POU2F1: variants seen among roughly 807,000 people sequenced by gnomAD.
The protein encoded by POU2F1 is POU class 2 homeobox 1.
In POU2F1, 16 loss-of-function variants were observed where a neutral mutation model predicts 84.9. The observed-to-expected ratio is 0.19, with a 90% CI of 0.13 to 0.29. The LOEUF (loss-of-function observed/expected upper bound fraction) is 0.29, where lower values mean the gene tolerates loss of function less well. Ranked by LOEUF, POU2F1 falls within the 10% of genes least tolerant of loss-of-function variation. The pLI is 1.00. For missense variants in POU2F1, 738 were observed against 942.6 expected (o/e 0.78, Z 2.84); for synonymous variants, 368 against 368.3 (o/e 1.00, Z 0.01).
chr1:167,306,008 A>G (rs1655039837), intron 1 of POU2F1, among the ~76,000 whole-genome samples: 2 of 152,162 alleles, frequency 1.3e-5, no homozygotes, highest in South Asian at 2.1e-4. Context: ...AAGAGAAGAA[A>G]AGCGTTGTGC....
At chr1:167,291,858 G>A (rs1472980923) in intron 1 of POU2F1, among the ~76,000 whole-genome samples, 3 of 152,140 alleles carry the variant, frequency 2.0e-5, no homozygotes, top group Non-Finnish European at 4.4e-5. Context: ...CAGAGGCAGG[G>A]AAATATTATT....
At chr1:167,369,618 A>C (rs981565212) in intron 3 of POU2F1, among the ~76,000 whole-genome samples, 1 of 152,148 alleles carries the variant, frequency 6.6e-6, no homozygotes, top group Non-Finnish European at 1.5e-5. Context: ...TGTGGTTTAT[A>C]GGGTAGATTT....
intron 1 of POU2F1, among the ~76,000 whole-genome samples, chr1:167,236,573 C>A (rs1204989389): frequency 6.6e-6 from 1 of 152,070 alleles, no homozygotes; most frequent in Admixed American, 6.5e-5. Flanking sequence ...TATTCTCTTT[C>A]GACGTGTGCC....
chr1:167,345,646 C>T (rs1347562477), intron 2 of POU2F1, among the ~76,000 whole-genome samples: 3 of 152,158 alleles, frequency 2.0e-5, no homozygotes, highest in African/African-American at 2.4e-5. Context: ...AAGGGAGCCT[C>T]TGACTAGGTT....
chr1:167,377,353 G>A (rs143135985), intron 7 of POU2F1, among the ~76,000 whole-genome samples: 1,881 of 152,236 alleles, frequency 0.012, 15 homozygotes, highest in South Asian at 0.026. Flanking sequence ...TTGTGAGGCC[G>A]AGGCAGGCAG....
intron 2 of POU2F1, among the ~76,000 whole-genome samples, chr1:167,346,282 C>CAGAA (rs1658192649): frequency 6.6e-6 from 1 of 152,128 alleles, no homozygotes; most frequent in African/African-American, 2.4e-5. Context: ...TCTTGTCATG[C>CAGAA]ATCACTGATA....
intron 1 of POU2F1, among the ~76,000 whole-genome samples, chr1:167,274,728 G>T (rs1652600739): frequency 6.6e-6 from 1 of 152,006 alleles, no homozygotes; most frequent in Non-Finnish European, 1.5e-5. Context: ...AAATAGTTTG[G>T]TTGTCATTTG....
intron 14 of POU2F1, 48 bp from the exon 15 acceptor site, chr1:167,412,978 G>T: frequency 6.9e-7 from 1 of 1,458,252 alleles, no homozygotes; most frequent in Non-Finnish European, 9.6e-7. Flanking sequence ...GTCAAAATGA[G>T]ACCTGCGTCT....
At chr1:167,364,573 C>T (rs1487827347) in intron 2 of POU2F1, among the ~76,000 whole-genome samples, 1 of 133,558 alleles carries the variant, frequency 7.5e-6, no homozygotes, top group African/African-American at 2.7e-5. Context: ...TTTTTTCTTT[C>T]TTTCTTTCTT....
intron 1 of POU2F1, among the ~76,000 whole-genome samples, chr1:167,231,895 C>CT (rs1210953579): frequency 2.0e-5 from 3 of 152,112 alleles, no homozygotes; most frequent in African/African-American, 7.2e-5. Flanking sequence ...TGAAAATGTT[C>CT]TGAGCAAAGG....
chr1:167,297,622 G>A (rs1188482174), intron 1 of POU2F1, among the ~76,000 whole-genome samples: 1 of 152,180 alleles, frequency 6.6e-6, no homozygotes, highest in Non-Finnish European at 1.5e-5. Context: ...CAAGCCATTA[G>A]CTAGGGGGAT....
At chr1:167,339,393 T>C (rs193039733) in intron 2 of POU2F1, among the ~76,000 whole-genome samples, 2 of 152,328 alleles carry the variant, frequency 1.3e-5, no homozygotes. Context: ...GATTTTCTCC[T>C]AAATTAAAGC....
intron 1 of POU2F1, among the ~76,000 whole-genome samples, chr1:167,281,994 C>G (rs1653175888): frequency 1.3e-5 from 2 of 152,098 alleles, no homozygotes; most frequent in Admixed American, 6.5e-5. Flanking sequence ...ATTGTTCATA[C>G]CTAGTTCTTT....
chr1:167,365,366 C>A, intron 2 of POU2F1, 101 bp from the exon 3 acceptor site: 1 of 793,762 alleles, frequency 1.3e-6, no homozygotes, highest in Non-Finnish European at 1.9e-6. Context: ...TAGAAAAGTA[C>A]TTATGCAAAA....
chr1:167,384,784 A>G (rs1647837930), intron 8 of POU2F1, among the ~76,000 whole-genome samples: 1 of 152,126 alleles, frequency 6.6e-6, no homozygotes, highest in African/African-American at 2.4e-5. Flanking sequence ...TCCCCCTAAG[A>G]TCAGAAACAA....
At chr1:167,392,928 C>G (rs947071597) in intron 9 of POU2F1, among the ~76,000 whole-genome samples, 1 of 151,978 alleles carries the variant, frequency 6.6e-6, no homozygotes, top group Non-Finnish European at 1.5e-5. Context: ...AAGTTATTTG[C>G]TGAAACAAAA....
chr1:167,224,820 GTCT>G (rs1164298054), intron 1 of POU2F1, among the ~76,000 whole-genome samples: 3 of 140,108 alleles, frequency 2.1e-5, no homozygotes, highest in Admixed American at 7.2e-5. Context: ...CATTGTCACT[GTCT>G]TCTTTTTTTT....
At chr1:167,364,629 G>C (rs1356757344) in intron 2 of POU2F1, among the ~76,000 whole-genome samples, 1 of 145,734 alleles carries the variant, frequency 6.9e-6, no homozygotes, top group Non-Finnish European at 1.5e-5. Context: ...CCAGGCTGGA[G>C]TGCAGTGGCG....
At chr1:167,292,028 CGTGT>C (rs146381984) in intron 1 of POU2F1, among the ~76,000 whole-genome samples, 184 of 150,002 alleles carry the variant, frequency 1.2e-3, no homozygotes, top group African/African-American at 4.1e-3. Flanking sequence ...AAAATCTGTG[CGTGT>C]GTGTGTGTGT....
Sources: allele counts gnomAD v4.1 joint callset (sites outside exome capture counted in the v4.1 genomes callset), GRCh38; gene constraint gnomAD v4.1.1; transcripts MANE v1.5; gene names NCBI Gene and HGNC (gene_info 2026-07-23, HGNC 2026-07-21).